The following PRCC variants were observed in gnomAD, a reference collection of about 807,000 sequenced individuals.
The protein encoded by PRCC is proline-rich protein PRCC.
PRCC carries 10 observed loss-of-function variants against 44.0 expected under a neutral mutation model. The observed-to-expected ratio is 0.23, with a 90% CI of 0.14 to 0.39. PRCC has a LOEUF of 0.39. Among genes scored for constraint, PRCC ranks in the 10% least tolerant of loss-of-function variants. The pLI, the probability that PRCC is intolerant of heterozygous loss-of-function variation, is 1.00. For synonymous variants in PRCC, 278 were observed against 259.5 expected (o/e 1.07, Z -0.69); for missense variants, 573 against 624.7 (o/e 0.92, Z 0.88).
chr1:156,797,051 A>G, intron 5 of PRCC: 1 of 521,492 alleles, frequency 1.9e-6, no homozygotes, highest in Non-Finnish European at 3.5e-6. Context: ...GGGGGATATT[A>G]GCAGGCTATT....
Position 156,794,761 on chromosome 1 carries a change from A to G in PRCC, c.1276A>G (p.Met426Val), listed in dbSNP as rs769121851. The change falls in exon 5 of 7, where the codon ATG becomes GTG. Residue 426 changes from methionine to valine, a missense_variant. Physicochemically the swap from Met to Val is conservative, Grantham distance 21. Coordinates refer to ENST00000271526, the MANE Select transcript of PRCC (RefSeq NM_005973.5). ...DDQLSGAQQW[M>V]TKSLTEEKTM... ...CCAGCTCAGTGGGGCCCAGCAATGG[A>G]TGACTAAGTCATTGACAGAAGAGAA... 3.7e-6 allele frequency: 6 copies of G among 1,614,212 alleles called. No homozygotes were observed. The highest frequency in any genetic ancestry group is 5.1e-6 in the Non-Finnish European group (6 of 1,180,032).
At position 156,793,893 on chromosome 1, in the gene PRCC, C is replaced by T. The variant is rs377269179; in HGVS notation, c.1180-772C>T. On this transcript the variant is annotated intron_variant, in intron 4 of 6. Transcript: ENST00000271526. ...TCCTTCCACCTTGCCTCCCAAAATG[C>T]TGGTATTATAGATGTGAGTCACCCT... Among the ~76,000 whole-genome samples the T allele has an allele frequency of 2.6e-5, 4 of 151,328 alleles. No homozygotes were observed. In the East Asian group the frequency reaches 5.8e-4, roughly 22 times the overall value.
chr1:156,795,740 C>T (rs1454457644), intron 5 of PRCC: 1 of 152,208 alleles, frequency 6.6e-6, no homozygotes, highest in Admixed American at 6.5e-5. Flanking sequence ...GTAGTCTTTC[C>T]AGTGCTTTTA....
intron 1 of PRCC, among the ~76,000 whole-genome samples, chr1:156,781,482 A>G (rs958018929): frequency 6.6e-6 from 1 of 152,202 alleles, no homozygotes; most frequent in Non-Finnish European, 1.5e-5. Flanking sequence ...TGGGGGAATA[A>G]TTTTTTGAAA....
intron 2 of PRCC, among the ~76,000 whole-genome samples, chr1:156,785,229 A>G (rs963367450): frequency 1.3e-5 from 2 of 152,084 alleles, no homozygotes; most frequent in African/African-American, 4.8e-5. Context: ...AAATACCCTT[A>G]GGCCGGGCGC....
At chr1:156,774,354 T>C (rs975218890) in intron 1 of PRCC, among the ~76,000 whole-genome samples, 4 of 151,656 alleles carry the variant, frequency 2.6e-5, no homozygotes, top group Non-Finnish European at 4.4e-5. Flanking sequence ...TTTGTATCTT[T>C]AGTAGAGACG....
chr1:156,773,289 C>G (rs929744506), intron 1 of PRCC, among the ~76,000 whole-genome samples: 1 of 151,966 alleles, frequency 6.6e-6, no homozygotes, highest in Non-Finnish European at 1.5e-5. Context: ...AGAGAGAGGC[C>G]GCCGTGGGGA....
Position 156,782,338 on chromosome 1 carries a change from T to G in PRCC, c.516+9T>G, listed in dbSNP as rs747016069. The G allele has an allele frequency of 6.3e-7, 1 of 1,599,416 alleles. No homozygotes were observed. Among genetic ancestry groups the G allele is most frequent in the South Asian group, 1.1e-5 (1 of 89,996 alleles). On this transcript the variant is annotated intron_variant, in intron 2 of 6. Coordinates refer to ENST00000271526, the MANE Select transcript of PRCC (RefSeq NM_005973.5). ...AGAAAACTATCCTTCAGGTAAGCAT[T>G]GTGATATAAACCATTTTTTTTCTCT...
At chr1:156,787,251 A>C in intron 3 of PRCC, 77 bp downstream of exon 3, 1 of 1,454,430 alleles carries the variant, frequency 6.9e-7, no homozygotes, top group Non-Finnish European at 9.4e-7. Flanking sequence ...CTAGTGATAC[A>C]GCCTCTGTGG....
chr1:156,778,803 T>C (rs930405493), intron 1 of PRCC, among the ~76,000 whole-genome samples: 1 of 148,080 alleles, frequency 6.8e-6, no homozygotes, highest in Non-Finnish European at 1.5e-5. Flanking sequence ...GGCTGTCATA[T>C]GGCAATTTTT....
At position 156,800,557 on chromosome 1, in the gene PRCC, C is replaced by T; in HGVS notation, c.*97C>T. The T allele has an allele frequency of 7.9e-7, 1 of 1,272,342 alleles. No homozygotes were observed. The highest frequency in any genetic ancestry group is 1.1e-6 in the Non-Finnish European group (1 of 878,294). The allele number at this position is 1,272,342 out of a possible 1,614,324, so 78.8% of individuals were successfully genotyped here. A position where few individuals can be genotyped will look rare whatever the true frequency, so the allele number is the denominator to read the frequency against. On this transcript the variant is annotated 3_prime_UTR_variant, in exon 7 of 7. Transcript: ENST00000271526. ...ACCCCAGCTGCTCTAAGCCCAGGAT[C>T]TCTTTCCCCAAGGACCCAGCCCTCG...
intron 6 of PRCC, among the ~76,000 whole-genome samples, chr1:156,799,576 C>T (rs1255165938): frequency 1.3e-5 from 2 of 152,176 alleles, no homozygotes; most frequent in African/African-American, 4.8e-5. Context: ...GTCATATTTT[C>T]ACCTTCCTTT....
At chr1:156,784,954 T>C (rs1188249578) in intron 2 of PRCC, among the ~76,000 whole-genome samples, 1 of 152,144 alleles carries the variant, frequency 6.6e-6, no homozygotes, top group African/African-American at 2.4e-5. Flanking sequence ...ATGCCACATC[T>C]ATAGGGCTTT....
At chr1:156,777,120 C>CG (rs1285750895) in intron 1 of PRCC, among the ~76,000 whole-genome samples, 1 of 152,136 alleles carries the variant, frequency 6.6e-6, no homozygotes, top group Non-Finnish European at 1.5e-5. Flanking sequence ...AGTTAAATAG[C>CG]GGGATCCCTT....
intron 2 of PRCC, among the ~76,000 whole-genome samples, chr1:156,784,889 C>T (rs1327066790): frequency 1.3e-5 from 2 of 152,084 alleles, no homozygotes; most frequent in Non-Finnish European, 2.9e-5. Context: ...TGGGCTGGGC[C>T]AGTGAGCTTA....
intron 6 of PRCC, among the ~76,000 whole-genome samples, chr1:156,798,357 G>A (rs1482228108): frequency 6.6e-6 from 1 of 152,212 alleles, no homozygotes; most frequent in Non-Finnish European, 1.5e-5. Flanking sequence ...CCAGGCTGGA[G>A]TGCAGTGGCA....
chr1:156,797,533 C>T (rs1299327453), intron 6 of PRCC, among the ~76,000 whole-genome samples, 192 bp downstream of exon 6: 1 of 152,170 alleles, frequency 6.6e-6, no homozygotes, highest in Non-Finnish European at 1.5e-5. Flanking sequence ...CTACTTCAGT[C>T]TCAATGCAGA....
chr1:156,768,140 C>T lies in PRCC; in HGVS notation c.369C>T (p.Pro123=), dbSNP rs557104546. 18 of 1,564,692 alleles carry T rather than the reference C, an allele frequency of 1.2e-5. No homozygotes were observed. In the African/African-American group the frequency reaches 1.6e-4, roughly 14 times the overall value. ...PSPRGPGLNL[P]PPIGGAGPPL... ...CCCGAGGCCCTGGCCTCAATCTGCC[C>T]CCTCCAATTGGCGGTGCCGGTCCCC... Residue 123 remains proline (P), a synonymous_variant, in exon 1 of 7, where the codon CCC becomes CCT. Coordinates refer to ENST00000271526, the MANE Select transcript of PRCC (RefSeq NM_005973.5).
intron 4 of PRCC, 43 bp from the exon 5 acceptor site, chr1:156,794,622 C>T (rs565749602): frequency 2.9e-5 from 46 of 1,608,276 alleles, no homozygotes; most frequent in Non-Finnish European, 3.7e-5. Context: ...TCTGCTGACA[C>T]CCTTGCCCAG....
Sources: gnomAD v4.1 joint callset for allele counts (sites outside exome capture counted in the v4.1 genomes callset) on GRCh38, gnomAD v4.1.1 for gene constraint, MANE v1.5 for transcripts, NCBI Gene and HGNC (gene_info 2026-07-23, HGNC 2026-07-21) for gene names.